Variants in CDK8 observed in about 807,000 individuals in gnomAD.
CDK8 encodes the protein cyclin dependent kinase 8, also known as cyclin-dependent kinase 8.
A neutral mutation model predicts 71.5 loss-of-function variants in CDK8; 29 were observed. The observed-to-expected ratio is 0.41, with a 90% CI of 0.30 to 0.55. The LOEUF is 0.55. Among genes scored for constraint, CDK8 ranks in the 20% least tolerant of loss-of-function variants. The pLI, the probability that CDK8 is intolerant of heterozygous loss-of-function variation, is 0.37. For missense variants in CDK8, 288 were observed against 572.6 expected, an observed-to-expected ratio of 0.50 and a Z score of 5.07; for synonymous variants, 161 against 192.1, an observed-to-expected ratio of 0.84 and a Z score of 1.34.
At chr13:26,356,083 T>C (rs1873885034) in intron 4 of CDK8, among the ~76,000 whole-genome samples, 3 of 152,160 alleles carry the variant, frequency 2.0e-5, no homozygotes, top group Admixed American at 1.3e-4. Flanking sequence ...AGGGGTAGTA[T>C]AGAACAGATC....
chr13:26,261,317 C>G (rs780088569), intron 1 of CDK8, among the ~76,000 whole-genome samples: 4 of 152,126 alleles, frequency 2.6e-5, no homozygotes, highest in Non-Finnish European at 5.9e-5. Context: ...AGATATAAGT[C>G]ACATACCATA....
chr13:26,352,934 T>TG (rs1332057216), intron 3 of CDK8, among the ~76,000 whole-genome samples: 1 of 152,228 alleles, frequency 6.6e-6, no homozygotes, highest in Non-Finnish European at 1.5e-5. Flanking sequence ...TTACATGTAT[T>TG]GGCCAAGGGT....
At position 26,385,311 on chromosome 13, in the gene CDK8, T is replaced by A. The variant is rs1593304574; in HGVS notation, c.615T>A (p.Leu205=). Residue 205 remains leucine, a synonymous_variant, in exon 6 of 13, where the codon CTT becomes CTA. Transcript: ENST00000381527. The part of the protein sequence containing the change: ...VTFWYRAPEL[L]LGARHYTKAI... ...TCTGGTACCGAGCCCCTGAACTACT[T>A]CTTGGAGCAAGGCATTATACCAAAG... 1 of 1,613,474 alleles carries A rather than the reference T, an allele frequency of 6.2e-7. No individual in the cohort carries two copies. Among genetic ancestry groups the A allele is most frequent in the Non-Finnish European group, 8.5e-7 (1 of 1,179,636 alleles).
Position 26,254,277 on chromosome 13 carries a change from C to G in CDK8, c.-365C>G, listed in dbSNP as rs953020040. On this transcript the variant is annotated 5_prime_UTR_variant, in exon 1 of 13. Transcript: ENST00000381527. This position sits in a 1 kb window ranked among gnomAD's most constrained non-coding sequence, Gnocchi z 6.7. ...GAGCCCGCCTGGCCGCCCCGCCGCTCCCGCCGCAGCAGGAGCAGAACGCGC... is the reference window on the plus strand; with the variant it reads ...GAGCCCGCCTGGCCGCCCCGCCGCTGCCGCCGCAGCAGGAGCAGAACGCGC... The G allele has an allele frequency of 7.2e-6, 2 of 277,712 alleles. No individual in the cohort carries two copies. The highest frequency in any genetic ancestry group is 1.4e-5 in the Non-Finnish European group (2 of 145,548). The allele number at this position is 277,712 out of a possible 1,614,324, so 17.2% of individuals were successfully genotyped here. A position where few individuals can be genotyped will look rare whatever the true frequency, so the allele number is the denominator to read the frequency against.
Position 26,308,141 on chromosome 13 carries a change from C to T in CDK8, c.129-29426C>T, listed in dbSNP as rs147234250. ...GAATTGTGCTGTGCAGTGCAGTAGCCACTAACTACATGTGTCTGTTTAAAT... is the reference window on the plus strand; with the variant it reads ...GAATTGTGCTGTGCAGTGCAGTAGCTACTAACTACATGTGTCTGTTTAAAT... On this transcript the variant is annotated intron_variant, in intron 1 of 12. Transcript: ENST00000381527. Among the ~76,000 whole-genome samples, 1,217 of 152,276 alleles carry T rather than the reference C, an allele frequency of 8.0e-3. 26 individuals carry two copies. The highest frequency in any genetic ancestry group is 0.026 in the African/African-American group (1,094 of 41,538).
Position 26,401,167 on chromosome 13 carries a change from G to T in CDK8, c.1032-102G>T. 1.1e-6 allele frequency: 1 copy of T among 922,436 alleles called. No homozygotes were observed. The allele number at this position is 922,436 out of a possible 1,614,324, so 57.1% of individuals were successfully genotyped here. ...AGGTGCTTATATTTGCAAATATGGA[G>T]ACAAAGTTCATCTTAAAAGATTAAA... On this transcript the variant is annotated intron_variant, in intron 10 of 12. Coordinates refer to ENST00000381527, the MANE Select transcript of CDK8 (RefSeq NM_001260.3). The surrounding 1 kb of genome is among the most constrained non-coding windows in gnomAD (Gnocchi z 4.5).
chr13:26,307,373 G>A (rs1593253113), intron 1 of CDK8, among the ~76,000 whole-genome samples: 1 of 152,182 alleles, frequency 6.6e-6, no homozygotes, highest in South Asian at 2.1e-4. Context: ...AGCAAGGTCA[G>A]TGTGATATTA....
At chr13:26,290,660 A>G (rs1480701376) in intron 1 of CDK8, among the ~76,000 whole-genome samples, 2 of 152,128 alleles carry the variant, frequency 1.3e-5, no homozygotes, top group Admixed American at 1.3e-4. Context: ...TTCACTGATT[A>G]GTTGACGTTG....
At chr13:26,338,678 T>A (rs944943770) in intron 2 of CDK8, among the ~76,000 whole-genome samples, 7 of 152,130 alleles carry the variant, frequency 4.6e-5, no homozygotes, top group African/African-American at 1.7e-4. Context: ...GATACTTTTT[T>A]AATACTTTTC....
chr13:26,317,627 GAGAC>G (rs1166490465), intron 1 of CDK8, among the ~76,000 whole-genome samples: 9 of 152,102 alleles, frequency 5.9e-5, no homozygotes, highest in Non-Finnish European at 1.2e-4. Flanking sequence ...TTAGAAATGA[GAGAC>G]AGAAGTAAAA....
chr13:26,366,973 A>G (rs1874419857), intron 4 of CDK8, among the ~76,000 whole-genome samples: 1 of 152,206 alleles, frequency 6.6e-6, no homozygotes, highest in Non-Finnish European at 1.5e-5. Flanking sequence ...AATTCTTGGT[A>G]ATATGCGGGG....
intron 1 of CDK8, among the ~76,000 whole-genome samples, chr13:26,259,616 A>T (rs1023283247): frequency 3.3e-5 from 5 of 152,106 alleles, no homozygotes; most frequent in African/African-American, 1.2e-4. Context: ...GAAGTTACCT[A>T]CCTTAGATAT....
chr13:26,323,139 C>T (rs1874857858), intron 1 of CDK8, among the ~76,000 whole-genome samples: 1 of 152,070 alleles, frequency 6.6e-6, no homozygotes, highest in African/African-American at 2.4e-5. Flanking sequence ...CTGTCTTAGT[C>T]TGTTTGGGCT....
chr13:26,293,811 C>T (rs977984558), intron 1 of CDK8, among the ~76,000 whole-genome samples: 1 of 151,974 alleles, frequency 6.6e-6, no homozygotes, highest in African/African-American at 2.4e-5. Context: ...ATCTACTCTG[C>T]AATTTTCAAG....
chr13:26,338,816 A>G (rs1431035263), intron 2 of CDK8, among the ~76,000 whole-genome samples: 1 of 152,124 alleles, frequency 6.6e-6, no homozygotes, highest in Non-Finnish European at 1.5e-5. Flanking sequence ...CAGGATGTTG[A>G]TTACCCTTGG....
intron 4 of CDK8, among the ~76,000 whole-genome samples, chr13:26,378,670 T>C (rs1380676297): frequency 3.3e-5 from 5 of 152,208 alleles, no homozygotes; most frequent in Non-Finnish European, 5.9e-5. Context: ...ATGGAGTATA[T>C]GCCTCATCAG....
At chr13:26,304,089 C>T (rs1351782243) in intron 1 of CDK8, among the ~76,000 whole-genome samples, 10 of 151,924 alleles carry the variant, frequency 6.6e-5, no homozygotes, top group Admixed American at 6.5e-4. Flanking sequence ...GATGGTGAAA[C>T]CCCATCTCTA....
intron 9 of CDK8, among the ~76,000 whole-genome samples, chr13:26,399,095 T>G (rs1489185853): frequency 6.6e-6 from 1 of 151,926 alleles, no homozygotes; most frequent in Non-Finnish European, 1.5e-5. Context: ...CTGCAACCTC[T>G]GCCTCCCAGG....
At chr13:26,382,242 T>G (rs1875263253) in intron 4 of CDK8, among the ~76,000 whole-genome samples, 1 of 152,232 alleles carries the variant, frequency 6.6e-6, no homozygotes, top group African/African-American at 2.4e-5. Flanking sequence ...CTTTAAATTT[T>G]AGCTTACTTT....
Sources: allele counts gnomAD v4.1 joint callset (sites outside exome capture counted in the v4.1 genomes callset), GRCh38; gene constraint gnomAD v4.1.1; non-coding constraint Gnocchi (gnomAD v3.1); transcripts MANE v1.5; gene names NCBI Gene and HGNC (gene_info 2026-07-23, HGNC 2026-07-21).